The following HTR3E variants were observed in gnomAD, a reference collection of about 807,000 sequenced individuals.
The protein encoded by HTR3E is 5-hydroxytryptamine (serotonin) receptor 3, family member E.
In HTR3E, 38 loss-of-function variants were observed where a neutral mutation model predicts 38.0. The observed-to-expected ratio is 1.00, with a 90% CI of 0.77 to 1.31. HTR3E has a LOEUF of 1.31. Ranked by LOEUF, HTR3E falls within the 50% of genes most tolerant of loss-of-function variation. HTR3E has a pLI of 0.00. For missense variants in HTR3E, 547 were observed against 585.2 expected (o/e 0.93, Z 0.67); for synonymous variants, 210 against 232.9 (o/e 0.90, Z 0.89).
chr3:184,106,516 A>G lies in HTR3E; in HGVS notation c.1194A>G (p.Ala398=). 6.2e-7 allele frequency: 1 copy of G among 1,612,898 alleles called. No homozygotes were observed. The highest frequency in any genetic ancestry group is 8.5e-7 in the Non-Finnish European group (1 of 1,179,298). ...GGCAGATGCCGGGCCCTGCGGAGGC[A>G]GAGCTGACAGGGGGCTCAGAATGGA... ...SAGQMPGPAE[A]ELTGGSEWTR... The change falls in exon 9 of 9, where the codon GCA becomes GCG. Residue 398 remains alanine, a synonymous_variant. Transcript: ENST00000415389. The surrounding 1 kb of genome is among the most constrained non-coding windows in gnomAD (Gnocchi z 4.1).
At chr3:184,103,351 C>CGG (rs1712177745) in intron 3 of HTR3E, among the ~76,000 whole-genome samples, 1 of 151,932 alleles carries the variant, frequency 6.6e-6, no homozygotes. Context: ...GGGTGGTGGC[C>CGG]GGGCGCGGTG....
chr3:184,099,738 A>ACAAAAC (rs1458362015), intron 1 of HTR3E, among the ~76,000 whole-genome samples: 5 of 147,380 alleles, frequency 3.4e-5, no homozygotes, highest in East Asian at 2.0e-4. Context: ...AAAAAAAAAA[A>ACAAAAC]AAGAAAGAAA....
At position 184,106,566 on chromosome 3, in the gene HTR3E, C is replaced by A; in HGVS notation, c.1244C>A (p.Ala415Asp). Residue 415 changes from alanine (A) to aspartate (D), a missense_variant, in exon 9 of 9, where the codon GCC becomes GAC. Physicochemically the swap from Ala to Asp is moderately radical, Grantham distance 126. Coordinates refer to ENST00000415389, the MANE Select transcript of HTR3E (RefSeq NM_001256613.2). This position sits in a 1 kb window ranked among gnomAD's most constrained non-coding sequence, Gnocchi z 4.1. ...ACAAGGGCCCAGCGGGAACACGAGG[C>A]CCAGAAGCAGCACTCAGTGGAGCTG... ...EWTRAQREHE[A>D]QKQHSVELWL... 1 of 1,614,144 alleles carries A rather than the reference C, an allele frequency of 6.2e-7. No homozygotes were observed. The highest frequency in any genetic ancestry group is 8.5e-7 in the Non-Finnish European group (1 of 1,179,996).
At chr3:184,098,105 G>A (rs139523323) in intron 1 of HTR3E, among the ~76,000 whole-genome samples, 3 of 152,204 alleles carry the variant, frequency 2.0e-5, no homozygotes, top group Non-Finnish European at 4.4e-5. Flanking sequence ...AGGGCTCTAG[G>A]TTAGGTAAGG....
intron 3 of HTR3E, among the ~76,000 whole-genome samples, chr3:184,103,090 A>G (rs1359433372): frequency 2.0e-5 from 3 of 152,238 alleles, no homozygotes; most frequent in African/African-American, 7.2e-5. Flanking sequence ...AGCATAACCC[A>G]GTGGAAAATT....
chr3:184,103,423 A>T (rs1231066588), intron 3 of HTR3E, among the ~76,000 whole-genome samples: 1 of 152,054 alleles, frequency 6.6e-6, no homozygotes, highest in African/African-American at 2.4e-5. Flanking sequence ...AGGTCAGGAG[A>T]TCAAGACCAT....
At position 184,099,073 on chromosome 3, in the gene HTR3E, A is replaced by G. The variant is rs371661435; in HGVS notation, c.68-1412A>G. Among the ~76,000 whole-genome samples, 36 of 151,318 alleles carry G rather than the reference A, an allele frequency of 2.4e-4. 1 individual carries two copies. In the East Asian group the frequency reaches 6.4e-3, roughly 27 times the overall value. ...AATTTAAAAATTTAAAAAAGAAATT[A>G]AAAAAAAATCCCACCCACACTTCTA... On this transcript the variant is annotated intron_variant, in intron 1 of 8. Coordinates refer to ENST00000415389, the MANE Select transcript of HTR3E (RefSeq NM_001256613.2).
Position 184,104,909 on chromosome 3 carries a change from T to G in HTR3E, c.512T>G (p.Phe171Cys), listed in dbSNP as rs771204205. ...ICNLDIFYFP[F>C]DQQNCTLTFS... Reference sequence around the variant, plus strand: ...AACCTGGACATCTTCTACTTCCCCTTCGACCAGCAGAACTGCACACTCACC... The same window carrying G: ...AACCTGGACATCTTCTACTTCCCCTGCGACCAGCAGAACTGCACACTCACC... The change falls in exon 5 of 9, where the codon TTC becomes TGC. Residue 171 changes from phenylalanine (F) to cysteine (C), a missense_variant. Phe to Cys is a radical substitution (Grantham distance 205). Coordinates refer to ENST00000415389, the MANE Select transcript of HTR3E (RefSeq NM_001256613.2). The G allele has an allele frequency of 3.1e-6, 5 of 1,613,864 alleles. No homozygotes were observed. The highest frequency in any genetic ancestry group is 4.2e-6 in the Non-Finnish European group (5 of 1,180,008).
chr3:184,100,922 T>C (rs548596821), intron 2 of HTR3E, among the ~76,000 whole-genome samples: 27 of 149,238 alleles, frequency 1.8e-4, no homozygotes, highest in African/African-American at 5.9e-4. Flanking sequence ...AACCCAAGCC[T>C]CGTTTTTGTT....
At chr3:184,105,618 T>G in intron 6 of HTR3E, 147 bp from the exon 7 acceptor site, 1 of 918,808 alleles carries the variant, frequency 1.1e-6, no homozygotes, top group South Asian at 1.6e-5. Flanking sequence ...CTATACCAGA[T>G]TCTAAAGCTG....
chr3:184,100,681 G>T, intron 2 of HTR3E, 30 bp downstream of exon 2: 1 of 1,603,160 alleles, frequency 6.2e-7, no homozygotes. Flanking sequence ...GCCCTCCTTG[G>T]TGTCCTTAAC....
In HTR3E at chr3:184,100,111, C is replaced by A. The variant is rs555854602; in HGVS notation, c.68-374C>A. On this transcript the variant is annotated intron_variant, in intron 1 of 8. Coordinates refer to ENST00000415389, the MANE Select transcript of HTR3E (RefSeq NM_001256613.2). ...CAGCGTCTGGACCCCTCTCGGTGAT[C>A]CCCTCCCCATTCTTCATCTCATCCC... 2.2e-4 allele frequency: 285 copies of A among 1,287,930 alleles called. No individual in the cohort carries two copies. In the African/African-American group the frequency reaches 3.9e-3, roughly 17 times the overall value. 79.8% of individuals were successfully genotyped at this position (1,287,930 alleles called of 1,614,324 possible).
intron 1 of HTR3E, among the ~76,000 whole-genome samples, chr3:184,099,010 T>C (rs1006414173): frequency 1.3e-5 from 2 of 151,882 alleles, no homozygotes; most frequent in African/African-American, 4.8e-5. Context: ...ACCACTGCAC[T>C]CCAGCCTGGG....
rs976505540 is a variant in HTR3E, at chr3:184,104,808, A to C, written c.411A>C (p.Pro137=). 1 of 1,613,530 alleles carries C rather than the reference A, an allele frequency of 6.2e-7. No individual in the cohort carries two copies. Among genetic ancestry groups the C allele is most frequent in the Non-Finnish European group, 8.5e-7 (1 of 1,179,706 alleles). Residue 137 remains proline (P), a synonymous_variant, in exon 5 of 9, where the codon CCA becomes CCC. Transcript: ENST00000415389. ...CCAGCATGGATGTGGATAAGACCCC[A>C]AAAGGCCTCACAGCATATGTAAGTA... is the stretch of plus-strand genomic sequence containing the variant. ...IIELMDVDKT[P]KGLTAYVSNE...
chr3:184,099,737 A>C (rs1404927971), intron 1 of HTR3E, among the ~76,000 whole-genome samples: 1 of 148,354 alleles, frequency 6.7e-6, no homozygotes, highest in Non-Finnish European at 1.5e-5. Context: ...AAAAAAAAAA[A>C]AAAGAAAGAA....
At chr3:184,098,944 G>A (rs972415310) in intron 1 of HTR3E, among the ~76,000 whole-genome samples, 3 of 152,144 alleles carry the variant, frequency 2.0e-5, no homozygotes, top group African/African-American at 7.2e-5. Context: ...TTGGGAGGCT[G>A]AGGCAGAAGA....
At chr3:184,104,414 A>G in intron 4 of HTR3E, 123 bp downstream of exon 4, 1 of 1,439,416 alleles carries the variant, frequency 6.9e-7, no homozygotes, top group South Asian at 1.4e-5. Flanking sequence ...AGAGATAAGA[A>G]GAGAAACTGA....
chr3:184,105,611 T>C (rs1196355851), intron 6 of HTR3E, among the ~76,000 whole-genome samples, 154 bp from the exon 7 acceptor site: 2 of 152,222 alleles, frequency 1.3e-5, no homozygotes, highest in Non-Finnish European at 2.9e-5. Context: ...GCAGGTTCTA[T>C]ACCAGATTCT....
chr3:184,100,753 A>G, intron 2 of HTR3E, 102 bp downstream of exon 2: 5 of 1,494,526 alleles, frequency 3.3e-6, no homozygotes, highest in Non-Finnish European at 4.5e-6. Flanking sequence ...TGCTTCCTCC[A>G]CCACTGCTGG....
Sources: gnomAD v4.1 joint callset for allele counts (sites outside exome capture counted in the v4.1 genomes callset) on GRCh38, gnomAD v4.1.1 for gene constraint, Gnocchi (gnomAD v3.1) non-coding constraint, MANE v1.5 for transcripts, NCBI Gene and HGNC (gene_info 2026-07-23, HGNC 2026-07-21) for gene names.